Variants in KIF20A observed in about 807,000 individuals in gnomAD.
KIF20A encodes kinesin family member 20A.
Under a neutral mutation model 113.0 loss-of-function variants are expected in KIF20A, and 66 were observed. The observed-to-expected ratio is 0.58, with a 90% CI of 0.48 to 0.72. The LOEUF is 0.72. Ranked by LOEUF, KIF20A falls within the 30% of genes least tolerant of loss-of-function variation. KIF20A has a pLI of 0.00. For missense variants in KIF20A, 927 were observed against 1,077.6 expected (o/e 0.86, Z 1.96); for synonymous variants, 376 against 402.3 (o/e 0.93, Z 0.78).
At position 138,181,740 on chromosome 5, in the gene KIF20A, A is replaced by G; in HGVS notation, c.375+12A>G. On this transcript the variant is annotated intron_variant, in intron 4 of 18. Coordinates refer to ENST00000394894, the MANE Select transcript of KIF20A (RefSeq NM_005733.3). ...TCACCTTTTCCCAGGTATGGAGGGT[A>G]CTGGTTTGTGAACAAAAGACCAACA... 3.7e-6 allele frequency: 6 copies of G among 1,613,094 alleles called. No homozygotes were observed. In the East Asian group the frequency reaches 1.3e-4, roughly 36 times the overall value.
Position 138,179,855 on chromosome 5 carries a change from C to A in KIF20A, c.165+10C>A. ...AGAGGACAAGCAGCAGGTAAAGGAA[C>A]TGGGGAGTGGCTGGGGCGGAAAGTG... On this transcript the variant is annotated intron_variant, in intron 2 of 18. Transcript: ENST00000394894. 1 of 1,613,584 alleles carries A rather than the reference C, an allele frequency of 6.2e-7. No homozygotes were observed. The highest frequency in any genetic ancestry group is 8.5e-7 in the Non-Finnish European group (1 of 1,179,808).
chr5:138,184,434 G>GC, intron 12 of KIF20A, 30 bp downstream of exon 12: 4 of 1,613,408 alleles, frequency 2.5e-6, no homozygotes, highest in Non-Finnish European at 3.4e-6. Flanking sequence ...ATGGGTGTGC[G>GC]CACTTGGAAC....
Position 138,181,607 on chromosome 5 carries a change from A to G in KIF20A, c.256-2A>G. On this transcript the variant is annotated splice_acceptor_variant, in intron 3 of 18. Coordinates refer to ENST00000394894, the MANE Select transcript of KIF20A (RefSeq NM_005733.3). LOFTEE classifies it high-confidence loss of function. ...TGACAACTGTATTTTCTCCCTTCTC[A>G]GGGTTGTGTCCGTATTGAGAATGTG... is the stretch of plus-strand genomic sequence containing the variant. The G allele has an allele frequency of 6.2e-7, 1 of 1,614,192 alleles. No homozygotes were observed. Among genetic ancestry groups the G allele is most frequent in the South Asian group, 1.1e-5 (1 of 91,088 alleles).
chr5:138,180,751 C>T (rs1754649088), intron 2 of KIF20A, among the ~76,000 whole-genome samples: 1 of 152,168 alleles, frequency 6.6e-6, no homozygotes, highest in South Asian at 2.1e-4. Context: ...TCTCTGCTCA[C>T]TGCAACCTCC....
chr5:138,186,280 T>C lies in KIF20A; in HGVS notation c.2218-14T>C, dbSNP rs773584389. ...CTCTTGGCCACAATATGATTCCTAC[T>C]TCCCCTTTTTCAGAATATAAGGCTG... On this transcript the variant is annotated splice_polypyrimidine_tract_variant and intron_variant, in intron 17 of 18. Transcript: ENST00000394894. 1 of 1,585,478 alleles carries C rather than the reference T, an allele frequency of 6.3e-7. No homozygotes were observed. Among genetic ancestry groups the C allele is most frequent in the African/African-American group, 1.4e-5 (1 of 72,894 alleles).
Position 138,184,299 on chromosome 5 carries a change from C to A in KIF20A, c.1413C>A (p.Phe471Leu), listed in dbSNP as rs753528099. Residue 471 changes from phenylalanine (F) to leucine (L), a missense_variant, in exon 12 of 19, where the codon TTC (phenylalanine) becomes TTA (leucine). Phe to Leu is a conservative substitution (Grantham distance 22). Transcript: ENST00000394894. Reference protein sequence around the residue: ...DSKLTRVFQGFFTGRGRSCMI... With the variant: ...DSKLTRVFQGLFTGRGRSCMI... Reference sequence around the variant, plus strand: ...AGTTGACTCGAGTGTTCCAAGGTTTCTTCACAGGCCGAGGCCGTTCCTGCA... The same window carrying A: ...AGTTGACTCGAGTGTTCCAAGGTTTATTCACAGGCCGAGGCCGTTCCTGCA... 4 of 1,614,186 alleles carry A rather than the reference C, an allele frequency of 2.5e-6. No homozygotes were observed. In the South Asian group the frequency reaches 4.4e-5, roughly 18 times the overall value.
rs566656879 is a variant in KIF20A, at chr5:138,179,593, C to G, written c.-21-67C>G. The G allele has an allele frequency of 1.8e-5, 25 of 1,357,968 alleles. No individual in the cohort carries two copies. The East Asian group carries it at 5.5e-4, about 30-fold the overall frequency. The allele number at this position is 1,357,968 out of a possible 1,614,324, so 84.1% of individuals were successfully genotyped here. ...TGTCCTGGGGCAAGGGACTTATTAC[C>G]TAAAATTCGCGGCCCCTTCTGTCCC... On this transcript the variant is annotated intron_variant, in intron 1 of 18. Transcript: ENST00000394894.
chr5:138,187,611 A>G lies in KIF20A; in HGVS notation c.*198A>G. On this transcript the variant is annotated 3_prime_UTR_variant, in exon 19 of 19. Coordinates refer to ENST00000394894, the MANE Select transcript of KIF20A (RefSeq NM_005733.3). ...TTGTTGTTTTTTTTTATTTACTTAT[A>G]TGATTTCTATGCACACAAAAACAGT... 2.1e-6 allele frequency: 1 copy of G among 476,536 alleles called. No individual in the cohort carries two copies. Among genetic ancestry groups the G allele is most frequent in the South Asian group, 3.6e-5 (1 of 28,074 alleles). 29.5% of individuals were successfully genotyped at this position (476,536 alleles called of 1,614,324 possible).
chr5:138,181,291 G>T, intron 2 of KIF20A, 131 bp from the exon 3 acceptor site: 1 of 731,726 alleles, frequency 1.4e-6, no homozygotes. Context: ...GAACCAAAGA[G>T]TAGCTGCACA....
rs1225022009 is a variant in KIF20A at position 138,187,102 on chromosome 5, A to G, written c.2362A>G (p.Thr788Ala). 6.2e-7 allele frequency: 1 copy of G among 1,608,496 alleles called. No individual in the cohort carries two copies. Among genetic ancestry groups the G allele is most frequent in the South Asian group, 1.1e-5 (1 of 90,804 alleles). ...CDDILIKQDQ[T>A]LAELQNNMVL... Reference sequence around the variant, plus strand: ...CTTTATTGATCTTCCTTAGGACCAGACTCTGGCTGAACTGCAGAACAACAT... The same window carrying G: ...CTTTATTGATCTTCCTTAGGACCAGGCTCTGGCTGAACTGCAGAACAACAT... The change falls in exon 19 of 19, where the codon ACT becomes GCT. Residue 788 changes from threonine to alanine, a missense_variant. Transcript: ENST00000394894.
chr5:138,182,211 C>T, intron 4 of KIF20A, 112 bp from the exon 5 acceptor site: 2 of 1,193,214 alleles, frequency 1.7e-6, no homozygotes, highest in Non-Finnish European at 2.4e-6. Flanking sequence ...GAAGAAGCTG[C>T]TTGAGTGGTC....
intron 2 of KIF20A, among the ~76,000 whole-genome samples, chr5:138,180,112 G>A (rs936141443): frequency 6.6e-6 from 1 of 152,192 alleles, no homozygotes. Flanking sequence ...CATGCTCTTA[G>A]TTAATCTTTC....
chr5:138,184,479 T>C (rs766741302), intron 12 of KIF20A, 33 bp from the exon 13 acceptor site: 16 of 1,611,034 alleles, frequency 9.9e-6, no homozygotes, highest in South Asian at 3.3e-5. Context: ...GGACTACTTA[T>C]GGAGTCAAGT....
chr5:138,183,087 G>A lies in KIF20A; in HGVS notation c.833-82G>A, dbSNP rs115889203. ...TACAGACCAGAGGTTGCAATCTAAG[G>A]TCTGCCTTCCAAGGCCCCTGCAGGC... On this transcript the variant is annotated intron_variant, in intron 7 of 18. Transcript: ENST00000394894. This position sits in a 1 kb window ranked among gnomAD's most constrained non-coding sequence, Gnocchi z 5.2. 9,587 of 1,601,676 alleles carry A rather than the reference G, an allele frequency of 6.0e-3. 122 individuals are homozygous for A. The highest frequency in any genetic ancestry group is 0.048 in the African/African-American group (3,609 of 74,724).
In KIF20A at chr5:138,186,371, C is replaced by T. The variant is rs1204717988; in HGVS notation, c.2295C>T (p.Ser765=). The part of the protein sequence containing the change: ...LQSAERACCH[S]TGAGKLRQAL... ...CAGCAGAGAGAGCTTGTTGCCACAG[C>T]ACTGGGGCAGGAAAACTTCGTCAAG... Residue 765 remains serine, a synonymous_variant, in exon 18 of 19, where the codon AGC becomes AGT. Coordinates refer to ENST00000394894, the MANE Select transcript of KIF20A (RefSeq NM_005733.3). The T allele has an allele frequency of 6.2e-7, 1 of 1,609,094 alleles. No individual in the cohort carries two copies. The highest frequency in any genetic ancestry group is 1.1e-5 in the South Asian group (1 of 90,322).
Position 138,186,358 on chromosome 5 carries a change from C to T in KIF20A, c.2282C>T (p.Ala761Val), listed in dbSNP as rs772658700. The T allele has an allele frequency of 5.0e-6, 8 of 1,605,786 alleles. No individual in the cohort carries two copies. The highest frequency in any genetic ancestry group is 6.8e-6 in the Non-Finnish European group (8 of 1,178,210). ...GAGTCTCTCCAATCAGCAGAGAGAG[C>T]TTGTTGCCACAGCACTGGGGCAGGA... ...LGESLQSAER[A>V]CCHSTGAGKL... The change falls in exon 18 of 19, where the codon GCT becomes GTT. Residue 761 changes from alanine to valine, a missense_variant. Physicochemically the swap from Ala to Val is moderately conservative, Grantham distance 64 (BLOSUM62 0). Transcript: ENST00000394894.
chr5:138,179,651 T>C lies in KIF20A; in HGVS notation c.-21-9T>C. 1 of 1,612,646 alleles carries C rather than the reference T, an allele frequency of 6.2e-7. No homozygotes were observed. Among genetic ancestry groups the C allele is most frequent in the Non-Finnish European group, 8.5e-7 (1 of 1,179,696 alleles). ...TCTTCTCCCTGCCCACTTTTTGGTC[T>C]CTTTTTAGACCTAGGCTGCCCCTGC... On this transcript the variant is annotated splice_polypyrimidine_tract_variant and intron_variant, in intron 1 of 18. Transcript: ENST00000394894.
Position 138,187,275 on chromosome 5 carries a change from G to A in KIF20A, c.2535G>A (p.Gly845=), listed in dbSNP as rs1376939693. The change falls in exon 19 of 19, where the codon GGG becomes GGA. Residue 845 remains glycine (G), a synonymous_variant. Transcript: ENST00000394894. The part of the protein sequence containing the change: ...ENQQPNQQPP[G]KKPFLRNLLP... ...AGCAACCAAACCAACAACCACCAGG[G>A]AAGAAACCATTCCTTCGAAATTTAC... 5.6e-6 allele frequency: 9 copies of A among 1,614,016 alleles called. No individual in the cohort carries two copies. In the South Asian group the frequency reaches 9.9e-5, roughly 18 times the overall value.
rs901041358 is a variant in KIF20A at position 138,187,572 on chromosome 5, T to C, written c.*159T>C. The C allele has an allele frequency of 1.8e-6, 1 of 568,894 alleles. No homozygotes were observed. The highest frequency in any genetic ancestry group is 1.9e-5 in the African/African-American group (1 of 53,696). 35.2% of individuals were successfully genotyped at this position (568,894 alleles called of 1,614,324 possible). ...TTCTCACTTTTGTATTATAACCACC[T>C]ATGTAATCTCATGTTGTTGTTTTTT... On this transcript the variant is annotated 3_prime_UTR_variant, in exon 19 of 19. Transcript: ENST00000394894.
Sources: gnomAD v4.1 joint callset for allele counts (sites outside exome capture counted in the v4.1 genomes callset) on GRCh38, gnomAD v4.1.1 for gene constraint, Gnocchi (gnomAD v3.1) non-coding constraint, MANE v1.5 for transcripts, NCBI Gene and HGNC (gene_info 2026-07-23, HGNC 2026-07-21) for gene names.